Variants in CHTF18 observed in about 807,000 individuals in gnomAD.
CHTF18 encodes chromosome transmission fidelity protein 18 homolog.
In CHTF18, 151 loss-of-function variants were observed where a neutral mutation model predicts 113.4. The observed-to-expected ratio is 1.33, with a 90% CI of 1.17 to 1.52. The LOEUF is 1.52. Among genes scored for constraint, CHTF18 ranks in the 40% most tolerant of loss-of-function variants. The pLI is 0.00. For synonymous variants in CHTF18, 916 were observed against 598.8 expected, an observed-to-expected ratio of 1.53 and a Z score of -7.74; for missense variants, 1,982 against 1,381.6, an observed-to-expected ratio of 1.43 and a Z score of -6.89.
In CHTF18 at chr16:788,956, G is replaced by A; in HGVS notation, c.117G>A (p.Gly39=). The A allele has an allele frequency of 6.4e-7, 1 of 1,566,058 alleles. No individual in the cohort carries two copies. ...LEGASTPSPS[G]VPLFTAGRPP... ...GGGCGTCGACTCCGTCGCCCTCCGG[G>A]GTCCCCCTGTTCACCGCGGGCCGAC... The change falls in exon 2 of 22, where the codon GGG becomes GGA. Residue 39 remains glycine, a synonymous_variant. Coordinates refer to ENST00000262315, the MANE Select transcript of CHTF18 (RefSeq NM_022092.3).
intron 7 of CHTF18, chr16:790,928 C>T (rs1596751826): frequency 3.5e-6 from 5 of 1,433,216 alleles, no homozygotes; most frequent in Non-Finnish European, 4.6e-6. Flanking sequence ...CAGCAGCTGA[C>T]ACTGGAGTGC....
Position 795,025 on chromosome 16 carries a change from G to A in CHTF18, c.1951-107G>A, listed in dbSNP as rs1005800423. ...TGGAGGGTCTGCGAAGCCTCGTGGGGCAGGCGGCAGGCAGGAGTGGAGGGT... is the reference window on the plus strand; with the variant it reads ...TGGAGGGTCTGCGAAGCCTCGTGGGACAGGCGGCAGGCAGGAGTGGAGGGT... On this transcript the variant is annotated intron_variant, in intron 15 of 21. Transcript: ENST00000262315. 1.3e-5 allele frequency: 12 copies of A among 904,688 alleles called. No individual in the cohort carries two copies. In the African/African-American group the frequency reaches 2.0e-4, roughly 15 times the overall value. The allele number at this position is 904,688 out of a possible 1,614,324, so 56.0% of individuals were successfully genotyped here. A position where few individuals can be genotyped will look rare whatever the true frequency, so the allele number is the denominator to read the frequency against.
chr16:797,688 C>T lies in CHTF18; in HGVS notation c.2734-6C>T, dbSNP rs199743471. 819 of 1,611,042 alleles carry T rather than the reference C, an allele frequency of 5.1e-4. 7 individuals carry two copies. Among genetic ancestry groups the T allele is most frequent in the African/African-American group, 3.3e-4 (25 of 74,738 alleles). On this transcript the variant is annotated splice_polypyrimidine_tract_variant and splice_region_variant and intron_variant, in intron 20 of 21. Coordinates refer to ENST00000262315, the MANE Select transcript of CHTF18 (RefSeq NM_022092.3). Reference sequence around the variant, plus strand: ...TATACGACTGACTAGTCCTTCCTCCCATCAGCCTGAGAAGGACTTCTTTGG... The same window carrying T: ...TATACGACTGACTAGTCCTTCCTCCTATCAGCCTGAGAAGGACTTCTTTGG...
chr16:795,470 C>G, intron 16 of CHTF18, 114 bp downstream of exon 16: 1 of 430,718 alleles, frequency 2.3e-6, no homozygotes, highest in East Asian at 4.7e-5. Flanking sequence ...GCCCGTGTGG[C>G]TGCCCCCGGC....
In CHTF18 at chr16:790,308, C is replaced by T. The variant is rs764092948; in HGVS notation, c.699+39C>T. 36 of 1,610,376 alleles carry T rather than the reference C, an allele frequency of 2.2e-5. 1 individual carries two copies. The highest frequency in any genetic ancestry group is 1.4e-4 in the South Asian group (13 of 90,624). On this transcript the variant is annotated intron_variant, in intron 5 of 21. Transcript: ENST00000262315. ...GTTTGCTGGGGGGCGGTGGCGGGGCCGCCTGAGCCCTCCTGATTCCAGCCT... is the reference window on the plus strand; with the variant it reads ...GTTTGCTGGGGGGCGGTGGCGGGGCTGCCTGAGCCCTCCTGATTCCAGCCT...
rs556997693 is a variant in CHTF18 at position 798,027 on chromosome 16, C to T, written c.*52C>T. ...CATTGCTTCCCGCAGAGTGCAGAGA[C>T]AGGAAGCTGGAGATGTCTTTATAAA... is the stretch of plus-strand genomic sequence containing the variant. On this transcript the variant is annotated 3_prime_UTR_variant, in exon 22 of 22. Coordinates refer to ENST00000262315, the MANE Select transcript of CHTF18 (RefSeq NM_022092.3). 19 of 1,571,790 alleles carry T rather than the reference C, an allele frequency of 1.2e-5. No homozygotes were observed. Among genetic ancestry groups the T allele is most frequent in the East Asian group, 2.3e-5 (1 of 44,348 alleles).
intron 4 of CHTF18, 72 bp from the exon 5 acceptor site, chr16:790,105 C>G (rs970827397): frequency 6.5e-7 from 1 of 1,542,048 alleles, no homozygotes. Flanking sequence ...GGTCCCTGAG[C>G]ACTGATGGGG....
Position 789,233 on chromosome 16 carries a change from C to G in CHTF18, c.310C>G (p.Leu104Val), listed in dbSNP as rs772731926. The G allele has an allele frequency of 1.3e-6, 2 of 1,553,514 alleles. No individual in the cohort carries two copies. Among genetic ancestry groups the G allele is most frequent in the Non-Finnish European group, 8.7e-7 (1 of 1,148,970 alleles). The change falls in exon 3 of 22, where the codon CTG (leucine) becomes GTG (valine). Residue 104 changes from leucine (L) to valine (V), a missense_variant. Physicochemically the swap from Leu to Val is conservative, Grantham distance 32. Transcript: ENST00000262315. ...AGCCCCCAGGATCAAACGGCCTAGG[C>G]TGCAGGTGGTCAAGAGGCTGAACTT... ...PHAPRIKRPRLQVVKRLNFRS... is the reference protein window; with the variant it reads ...PHAPRIKRPRVQVVKRLNFRS...
In CHTF18 at chr16:795,765, C is replaced by G; in HGVS notation, c.2256C>G (p.Ala752=). 1.2e-6 allele frequency: 2 copies of G among 1,609,424 alleles called. No individual in the cohort carries two copies. The highest frequency in any genetic ancestry group is 1.3e-5 in the African/African-American group (1 of 74,292). ...SGIAPATRSR[A]TPQALLLDAL... The stretch of plus-strand genomic sequence containing the variant: ...TCGCGCCAGCCACGCGCAGCCGGGC[C>G]ACGCCCCAGGCCCTGCTCCTCGATG... Residue 752 remains alanine (A), a synonymous_variant, in exon 17 of 22, where the codon GCC becomes GCG. Transcript: ENST00000262315.
intron 20 of CHTF18, 141 bp from the exon 21 acceptor site, chr16:797,553 C>T (rs943157063): frequency 2.1e-5 from 17 of 811,134 alleles, no homozygotes; most frequent in Non-Finnish European, 3.3e-5. Context: ...TGAGGGGCAG[C>T]TGGCCTGGGC....
Position 791,203 on chromosome 16 carries a change from C to T in CHTF18, c.937C>T (p.Leu313=), listed in dbSNP as rs781456747. ...CLLKWLKLWD[L]VVFGHERPSR... ...GCTCAAGTGGCTGAAGTTGTGGGAC[C>T]TGGTGGTGTTTGGCCACGAGAGGCC... Residue 313 remains leucine (L), a synonymous_variant, in exon 8 of 22, where the codon CTG becomes TTG. Transcript: ENST00000262315. 12 of 1,611,760 alleles carry T rather than the reference C, an allele frequency of 7.4e-6. No individual in the cohort carries two copies. The highest frequency in any genetic ancestry group is 1.1e-5 in the South Asian group (1 of 90,854).
chr16:794,288 G>C, intron 15 of CHTF18, 87 bp downstream of exon 15: 2 of 1,481,112 alleles, frequency 1.4e-6, no homozygotes, highest in Non-Finnish European at 1.8e-6. Flanking sequence ...CTCCCGTATG[G>C]ACGGGGAGGC....
At position 789,657 on chromosome 16, in the gene CHTF18, C is replaced by T. The variant is rs746518698; in HGVS notation, c.548C>T (p.Thr183Met). 116 of 1,604,866 alleles carry T rather than the reference C, an allele frequency of 7.2e-5. No homozygotes were observed. The highest frequency in any genetic ancestry group is 8.9e-5 in the East Asian group (4 of 44,888). ...GAGGACTACGTCCACGTGACATCCA[C>T]GGAGGGCGTCCGGGCTTATCTGGTG... The part of the protein sequence containing the change: ...ILEDYVHVTS[T>M]EGVRAYLVLR... The change falls in exon 4 of 22, where the codon ACG (threonine) becomes ATG (methionine). Residue 183 changes from threonine to methionine, a missense_variant. By Grantham distance (81) the Thr-to-Met change is moderately conservative. Coordinates refer to ENST00000262315, the MANE Select transcript of CHTF18 (RefSeq NM_022092.3).
intron 1 of CHTF18, 48 bp from the exon 2 acceptor site, chr16:788,883 G>T: frequency 1.3e-6 from 2 of 1,505,280 alleles, no homozygotes; most frequent in East Asian, 5.2e-5. Context: ...CGCCGCTGGC[G>T]GGATCTGCTG....
chr16:797,211 T>G (rs567083543), intron 20 of CHTF18, 119 bp downstream of exon 20: 195 of 1,225,906 alleles, frequency 1.6e-4, no homozygotes, highest in Non-Finnish European at 2.0e-4. Flanking sequence ...CCTTTGTGGG[T>G]GTGGCTAGGG....
chr16:790,465 G>A lies in CHTF18; in HGVS notation c.753-60G>A, dbSNP rs1415644210. On this transcript the variant is annotated intron_variant, in intron 6 of 21. Transcript: ENST00000262315. The stretch of plus-strand genomic sequence containing the variant: ...CTCTTGCACCAACTCCTAGCTCCTA[G>A]CGTGTGGGTTGGCATGGTCCCTGCG... The A allele has an allele frequency of 1.6e-5, 25 of 1,609,846 alleles. No individual in the cohort carries two copies. Among genetic ancestry groups the A allele is most frequent in the Middle Eastern group, 3.3e-4 (2 of 6,050 alleles).
At position 795,345 on chromosome 16, in the gene CHTF18, AG is replaced by A; in HGVS notation, c.2165del (p.Ser722ThrfsTer9). The A allele has an allele frequency of 1.3e-6, 2 of 1,545,410 alleles. No individual in the cohort carries two copies. The highest frequency in any genetic ancestry group is 1.7e-6 in the Non-Finnish European group (2 of 1,145,836). ...CACACCCAGGATCACCTTCCCCAGC[AG>A]CCAGCAGGAGGTGTGCTCGTCCCTG... ...SHTPRITFPSSQQEAQNRMSQ... is the reference protein window; with the variant it reads ...SHTPRITFPSXQQEAQNRMSQ... On this transcript the variant is annotated frameshift_variant, in exon 16 of 22. Coordinates refer to ENST00000262315, the MANE Select transcript of CHTF18 (RefSeq NM_022092.3). LOFTEE classifies it high-confidence loss of function.
At position 796,879 on chromosome 16, in the gene CHTF18, C is replaced by G. The variant is rs368362564; in HGVS notation, c.2601+18C>G. 271 of 1,578,362 alleles carry G rather than the reference C, an allele frequency of 1.7e-4. 1 individual carries two copies. The highest frequency in any genetic ancestry group is 1.4e-5 in the Non-Finnish European group (16 of 1,159,662). ...GCCCCCAGGTGAGCCCACCCAGGCT[C>G]TGGAGCAGGTTGCAGTCTGGGCGTG... On this transcript the variant is annotated intron_variant, in intron 19 of 21. Transcript: ENST00000262315.
At position 797,739 on chromosome 16, in the gene CHTF18, G is replaced by C; in HGVS notation, c.2779G>C (p.Val927Leu). The stretch of plus-strand genomic sequence containing the variant: ...ACGTGTGGTCGTCAGGAGCACAGCA[G>C]TCCCGAGTGCAGGTGTGTGTGGGGG... ...FGRVVVRSTA[V>L]PSAGDTAPEQ... The change falls in exon 21 of 22, where the codon GTC becomes CTC. Residue 927 changes from valine to leucine, a missense_variant. Val to Leu is a conservative substitution (Grantham distance 32). Coordinates refer to ENST00000262315, the MANE Select transcript of CHTF18 (RefSeq NM_022092.3). The C allele has an allele frequency of 3.1e-6, 5 of 1,608,060 alleles. No individual in the cohort carries two copies. Among genetic ancestry groups the C allele is most frequent in the Non-Finnish European group, 4.2e-6 (5 of 1,178,966 alleles).
Sources: gnomAD v4.1 joint callset for allele counts on GRCh38, gnomAD v4.1.1 for gene constraint, MANE v1.5 for transcripts, NCBI Gene and HGNC (gene_info 2026-07-23, HGNC 2026-07-21) for gene names.